Variants in BRWD3 observed in about 807,000 individuals in gnomAD.
The protein encoded by BRWD3 is bromodomain and WD repeat domain containing 3.
BRWD3 carries 10 observed loss-of-function variants against 149.7 expected under a neutral mutation model. That is an observed-to-expected ratio of 0.07 (90% CI 0.04 to 0.11). BRWD3 has a LOEUF of 0.11. Among genes scored for constraint, BRWD3 ranks in the 10% least tolerant of loss-of-function variants. The pLI, the probability that BRWD3 is intolerant of heterozygous loss-of-function variation, is 1.00. For missense variants in BRWD3, 940 were observed against 1,373.2 expected (o/e 0.68, Z 4.99); for synonymous variants, 504 against 456.7 (o/e 1.10, Z -1.32).
intron 20 of BRWD3, chrX:80,709,947 A>G (rs1054781523): frequency 2.1e-6 from 2 of 958,012 alleles, no homozygotes; most frequent in Admixed American, 4.4e-5. Flanking sequence ...CAGTATGACA[A>G]TGATATCATT....
intron 6 of BRWD3, among the ~76,000 whole-genome samples, chrX:80,789,439 G>A (rs754388488): frequency 3.6e-5 from 4 of 111,325 alleles, no homozygotes; most frequent in South Asian, 7.6e-4. Context: ...GCAGTGGCGC[G>A]ATCTCGGTTC....
At chrX:80,718,274 T>C (rs1364114689) in intron 18 of BRWD3, among the ~76,000 whole-genome samples, 10 of 112,296 alleles carry the variant, frequency 8.9e-5, no homozygotes, top group Non-Finnish European at 3.8e-5. Context: ...ACAGAAGTTT[T>C]ACTTTTTAAT....
intron 6 of BRWD3, among the ~76,000 whole-genome samples, chrX:80,760,023 T>C (rs2073786416): frequency 8.9e-6 from 1 of 112,062 alleles, no homozygotes; most frequent in South Asian, 3.7e-4. Flanking sequence ...AGACCAAGAA[T>C]AGCCACTCTT....
chrX:80,719,427 TGGTAAAAG>T, intron 18 of BRWD3, 54 bp downstream of exon 18: 1 of 1,017,667 alleles, frequency 9.8e-7, no homozygotes, highest in Non-Finnish European at 1.3e-6. Context: ...TGTAATTATT[TGGTAAAAG>T]TAAAATAATT....
At chrX:80,718,068 A>C (rs1046757282) in intron 18 of BRWD3, among the ~76,000 whole-genome samples, 2 of 111,846 alleles carry the variant, frequency 1.8e-5, no homozygotes, top group Non-Finnish European at 1.9e-5. Context: ...GGAGATTTAC[A>C]AATGTTTATT....
At chrX:80,789,942 A>T (rs1490400001) in intron 6 of BRWD3, among the ~76,000 whole-genome samples, 2 of 106,982 alleles carry the variant, frequency 1.9e-5, no homozygotes, top group Non-Finnish European at 3.9e-5. Flanking sequence ...ACTCTGGGAG[A>T]CCAAGGCGGG....
At chrX:80,761,897 A>G (rs1313154213) in intron 6 of BRWD3, among the ~76,000 whole-genome samples, 1 of 111,577 alleles carries the variant, frequency 9.0e-6, no homozygotes, top group African/African-American at 3.3e-5. Context: ...ATTTTTGTAG[A>G]AATCATAAGC....
At chrX:80,759,052 T>C (rs1026842755) in intron 6 of BRWD3, among the ~76,000 whole-genome samples, 2 of 111,936 alleles carry the variant, frequency 1.8e-5, no homozygotes, top group Non-Finnish European at 3.8e-5. Context: ...AAGAGCACAA[T>C]GTTCCAGTGG....
At chrX:80,791,425 C>A (rs911313232) in intron 6 of BRWD3, among the ~76,000 whole-genome samples, 6 of 111,524 alleles carry the variant, frequency 5.4e-5, no homozygotes, top group Non-Finnish European at 1.1e-4. Context: ...ACGTGAATTT[C>A]ATTAAACTGG....
Position 80,692,928 on chromosome X carries a change from A to C in BRWD3, c.3263+12T>G. 1.5e-5 allele frequency: 18 copies of C among 1,171,763 alleles called. No homozygotes were observed. The highest frequency in any genetic ancestry group is 2.1e-5 in the Non-Finnish European group (18 of 858,887). ...TGTCATATTAGGCATAAAAGATCATAAACATACTTACTGAACACTGTAACA... is the reference window on the plus strand; with the variant it reads ...TGTCATATTAGGCATAAAAGATCATCAACATACTTACTGAACACTGTAACA... On this transcript the variant is annotated intron_variant, in intron 28 of 40. Coordinates refer to ENST00000373275, the MANE Select transcript of BRWD3 (RefSeq NM_153252.5).
At chrX:80,707,292 C>T in intron 22 of BRWD3, 135 bp downstream of exon 22, 1 of 586,125 alleles carries the variant, frequency 1.7e-6, no homozygotes. Flanking sequence ...CACATCAGGT[C>T]TCTCGGCTTC....
chrX:80,780,235 A>G (rs1186226824), intron 6 of BRWD3, among the ~76,000 whole-genome samples: 2 of 111,158 alleles, frequency 1.8e-5, no homozygotes, highest in East Asian at 5.6e-4. Context: ...TAGAACAAAT[A>G]TCAAAAGATT....
chrX:80,793,182 A>AAG, intron 5 of BRWD3, among the ~76,000 whole-genome samples: 1 of 106,421 alleles, frequency 9.4e-6, no homozygotes, highest in Non-Finnish European at 1.9e-5. Flanking sequence ...AAAAAAAAAA[A>AAG]AAAAATTACT....
In BRWD3 at chrX:80,791,800, T is replaced by C. The variant is rs1052063936; in HGVS notation, c.430+54A>G. 6.4e-6 allele frequency: 6 copies of C among 936,132 alleles called. No individual in the cohort carries two copies. In the African/African-American group the frequency reaches 9.7e-5, roughly 15 times the overall value. 77.1% of individuals were successfully genotyped at this position (936,132 alleles called of 1,213,427 possible). On this transcript the variant is annotated intron_variant, in intron 6 of 40. Transcript: ENST00000373275. ...TACCTATTTTTGTCTTCCTAATGAG[T>C]TCAGGAAGGAAAGAATCAACAATCT...
Position 80,753,945 on chromosome X carries a change from C to T in BRWD3, c.431-8216G>A, listed in dbSNP as rs893301822. Among the ~76,000 whole-genome samples the T allele has an allele frequency of 2.7e-5, 3 of 111,846 alleles. No homozygotes were observed. The East Asian group carries it at 8.4e-4, about 31-fold the overall frequency. ...TAGAACCTTGCAATGTAATTTACATCAGGTAACATGATGTCTCCAGCTTTG... is the reference window on the plus strand; with the variant it reads ...TAGAACCTTGCAATGTAATTTACATTAGGTAACATGATGTCTCCAGCTTTG... On this transcript the variant is annotated intron_variant, in intron 6 of 40. Transcript: ENST00000373275.
At position 80,746,177 on chromosome X, in the gene BRWD3, GC is replaced by G. The variant is rs1438580831; in HGVS notation, c.431-449del. ...ACACCTATCCACCATATGTATGACT[GC>G]CCCTAAAAATTCAAGAGTAATACAA... On this transcript the variant is annotated intron_variant, in intron 6 of 40. Coordinates refer to ENST00000373275, the MANE Select transcript of BRWD3 (RefSeq NM_153252.5). 7.3e-5 allele frequency among the ~76,000 whole-genome samples: 8 copies of G among 109,263 alleles called. No homozygotes were observed. In the East Asian group the frequency reaches 2.3e-3, roughly 31 times the overall value. 94.9% of individuals were successfully genotyped at this position (109,263 alleles called of 115,157 possible). A position where few individuals can be genotyped will look rare whatever the true frequency, so the allele number is the denominator to read the frequency against.
intron 6 of BRWD3, among the ~76,000 whole-genome samples, chrX:80,751,981 C>CATTATTATTATTATTATT (rs199879142): frequency 5.7e-5 from 5 of 87,762 alleles, no homozygotes; most frequent in African/African-American, 2.1e-4. Flanking sequence ...ATTCATATTT[C>CATTATTATTATTATTATT]ATTATTATTA....
chrX:80,766,726 A>C (rs1465670790), intron 6 of BRWD3, among the ~76,000 whole-genome samples: 1 of 111,913 alleles, frequency 8.9e-6, no homozygotes, highest in Admixed American at 9.4e-5. Flanking sequence ...TGCATTTCCA[A>C]CAGAGGTAGC....
intron 4 of BRWD3, among the ~76,000 whole-genome samples, chrX:80,796,627 CA>C (rs751660111): frequency 9.2e-6 from 1 of 108,314 alleles, no homozygotes; most frequent in Non-Finnish European, 1.9e-5. Context: ...TAAGTTCCTT[CA>C]AAAAAAAACA....
Sources: allele counts gnomAD v4.1 joint callset (sites outside exome capture counted in the v4.1 genomes callset), GRCh38; gene constraint gnomAD v4.1.1; transcripts MANE v1.5; gene names NCBI Gene and HGNC (gene_info 2026-07-23, HGNC 2026-07-21).